SLC36A1: variants seen among roughly 807,000 people sequenced by gnomAD.
SLC36A1 encodes the protein proton-coupled amino acid transporter 1.
In SLC36A1, 30 loss-of-function variants were observed where a neutral mutation model predicts 47.5. That is an observed-to-expected ratio of 0.63 (90% confidence interval 0.47 to 0.86). The LOEUF is 0.86. SLC36A1 is among the 40% of genes least tolerant of loss of function. The pLI is 0.00. For missense variants in SLC36A1, 517 were observed against 606.0 expected (o/e 0.85, Z 1.54); for synonymous variants, 255 against 249.7 (o/e 1.02, Z -0.20).
the SLC36A1 span, among the ~76,000 whole-genome samples, chr5:151,539,591 T>C: frequency 6.6e-6 from 1 of 152,216 alleles, no homozygotes; most frequent in East Asian, 1.9e-4. Flanking sequence ...TTTATATATA[T>C]ACTGAATGGC....
the SLC36A1 span, among the ~76,000 whole-genome samples, chr5:151,431,063 C>T: frequency 3.3e-5 from 5 of 152,274 alleles, no homozygotes; most frequent in East Asian, 1.9e-4. Flanking sequence ...TGAATGAATG[C>T]GCCTCTAAGG....
chr5:151,537,108 G>C, the SLC36A1 span, among the ~76,000 whole-genome samples: 317 of 152,050 alleles, frequency 2.1e-3, 1 homozygote, highest in Admixed American at 4.7e-3. Context: ...GTCAAGTTCT[G>C]CTGTCAAATA....
chr5:151,521,687 A>C, the SLC36A1 span: 2 of 1,614,004 alleles, frequency 1.2e-6, no homozygotes, highest in Non-Finnish European at 1.7e-6. Context: ...GTGAGCTGGT[A>C]GAAGCCCATC....
At chr5:151,360,803 T>A in the SLC36A1 span, among the ~76,000 whole-genome samples, 1 of 152,260 alleles carries the variant, frequency 6.6e-6, no homozygotes, top group Non-Finnish European at 1.5e-5. Flanking sequence ...CTGCTGCTGC[T>A]TCTTCTTCCT....
At chr5:151,525,712 T>C in the SLC36A1 span, 1 of 1,597,784 alleles carries the variant, frequency 6.3e-7, no homozygotes, top group African/African-American at 1.3e-5. Context: ...GTGGGGCTTT[T>C]GCCAGCATCT....
chr5:151,539,312 A>G, the SLC36A1 span, among the ~76,000 whole-genome samples: 1 of 152,328 alleles, frequency 6.6e-6, no homozygotes, highest in East Asian at 1.9e-4. Flanking sequence ...AGATATATGT[A>G]TTTATGTGTG....
At chr5:151,530,067 T>A in the SLC36A1 span, among the ~76,000 whole-genome samples, 3 of 152,138 alleles carry the variant, frequency 2.0e-5, no homozygotes, top group Non-Finnish European at 4.4e-5. Flanking sequence ...AAAATCACCA[T>A]TTTACAGCCC....
At chr5:151,370,471 A>G in the SLC36A1 span, among the ~76,000 whole-genome samples, 1 of 151,952 alleles carries the variant, frequency 6.6e-6, no homozygotes, top group Non-Finnish European at 1.5e-5. Flanking sequence ...AAAACTAAGG[A>G]TGGAAATGCC....
chr5:151,456,944 G>T (rs1268587627), intron 1 of SLC36A1, among the ~76,000 whole-genome samples: 1 of 152,100 alleles, frequency 6.6e-6, no homozygotes, highest in Admixed American at 6.6e-5. Context: ...AGCAGTTGGA[G>T]GTCCTGTCTC....
At chr5:151,535,230 A>G in the SLC36A1 span, among the ~76,000 whole-genome samples, 1 of 151,926 alleles carries the variant, frequency 6.6e-6, no homozygotes. Flanking sequence ...CCCTTGTTAC[A>G]CACTCTTTTG....
At chr5:151,521,648 G>T in the SLC36A1 span, 10 of 1,613,928 alleles carry the variant, frequency 6.2e-6, no homozygotes, top group African/African-American at 1.3e-5. Context: ...TGCAGGTTCC[G>T]CCAGTGGTCA....
At chr5:151,349,645 G>A in the SLC36A1 span, among the ~76,000 whole-genome samples, 10 of 152,244 alleles carry the variant, frequency 6.6e-5, no homozygotes, top group Non-Finnish European at 1.2e-4. Context: ...GGTGGGGCAG[G>A]CAACTGGTGA....
At position 151,465,107 on chromosome 5, in the gene SLC36A1, T is replaced by A. The variant is rs1756149164; in HGVS notation, c.357T>A (p.Thr119=). 1 of 1,614,198 alleles carries A rather than the reference T, an allele frequency of 6.2e-7. No individual in the cohort carries two copies. Residue 119 remains threonine (T), a synonymous_variant, in exon 5 of 11, where the codon ACT becomes ACA. Transcript: ENST00000243389. Reference sequence around the variant, plus strand: ...AATCCTTTGTGGATTATGGTGATACTGTGATGTATGGACTAGAATCCAGCC... The same window carrying A: ...AATCCTTTGTGGATTATGGTGATACAGTGATGTATGGACTAGAATCCAGCC... ...LNKSFVDYGD[T]VMYGLESSPC... is the part of the protein sequence containing the mutation.
chr5:151,500,265 C>A, the SLC36A1 span, among the ~76,000 whole-genome samples: 1 of 152,158 alleles, frequency 6.6e-6, no homozygotes, highest in Non-Finnish European at 1.5e-5. Flanking sequence ...CTGTGACTTA[C>A]CTTATTTAAG....
At chr5:151,504,642 A>G in the SLC36A1 span, 2 of 152,680 alleles carry the variant, frequency 1.3e-5, no homozygotes, top group African/African-American at 2.4e-5. Context: ...GAAAAATCCC[A>G]TTGAGGAAAC....
At chr5:151,420,213 G>A in the SLC36A1 span, among the ~76,000 whole-genome samples, 1 of 152,190 alleles carries the variant, frequency 6.6e-6, no homozygotes, top group East Asian at 1.9e-4. Context: ...TGGCTACTGA[G>A]TGTTGGAGTT....
At chr5:151,511,715 A>G in the SLC36A1 span, 2 of 174,308 alleles carry the variant, frequency 1.1e-5, no homozygotes, top group East Asian at 1.4e-4. Context: ...TAAACAACAT[A>G]TACCACTTAT....
At chr5:151,487,858 T>C (rs1759770593) in intron 10 of SLC36A1, 125 bp from the exon 11 acceptor site, 1 of 1,143,932 alleles carries the variant, frequency 8.7e-7, no homozygotes, top group East Asian at 2.5e-5. Context: ...AACTGGACAA[T>C]GTCTAAGTTT....
At chr5:151,462,050 G>T (rs1755599709) in intron 2 of SLC36A1, among the ~76,000 whole-genome samples, 1 of 151,510 alleles carries the variant, frequency 6.6e-6, no homozygotes, top group South Asian at 2.1e-4. Flanking sequence ...TCTTGAAAAT[G>T]AAAGAAATCA....
Sources: gnomAD v4.1 joint callset for allele counts (sites outside exome capture counted in the v4.1 genomes callset) on GRCh38, gnomAD v4.1.1 for gene constraint, MANE v1.5 for transcripts, NCBI Gene and HGNC (gene_info 2026-07-23, HGNC 2026-07-21) for gene names.